Variants in SLC26A2 observed in about 807,000 individuals in gnomAD.
SLC26A2 encodes solute carrier family 26 member 2.
Under a neutral mutation model 41.1 loss-of-function variants are expected in SLC26A2, and 36 were observed. That is an observed-to-expected ratio of 0.88 (90% CI 0.67 to 1.16). The LOEUF (loss-of-function observed/expected upper bound fraction) is 1.16, where lower values mean the gene tolerates loss of function less well. Among genes scored for constraint, SLC26A2 ranks in the 50% most tolerant of loss-of-function variants. SLC26A2 has a pLI of 0.00. For synonymous variants in SLC26A2, 291 were observed against 311.6 expected, an observed-to-expected ratio of 0.93 and a Z score of 0.70; for missense variants, 796 against 869.6, an observed-to-expected ratio of 0.92 and a Z score of 1.07.
At chr5:149,967,194 G>C (rs984375439) in intron 1 of SLC26A2, among the ~76,000 whole-genome samples, 1 of 152,062 alleles carries the variant, frequency 6.6e-6, no homozygotes, top group Non-Finnish European at 1.5e-5. Flanking sequence ...TTATGTAACA[G>C]GTTATATTCA....
rs766328991 is a variant in SLC26A2 at position 149,977,996 on chromosome 5, G to T, written c.344G>T (p.Gly115Val). The change falls in exon 2 of 3, where the codon GGC (glycine) becomes GTC (valine). Residue 115 changes from glycine to valine, a missense_variant. Coordinates refer to ENST00000286298, the MANE Select transcript of SLC26A2 (RefSeq NM_000112.4). ...AACATTTTAGGGGATGTGATGTCAG[G>T]CTTGATTGTGGGCATATTATTGGTG... ...KKNILGDVMS[G>V]LIVGILLVPQ... is the part of the protein sequence containing the mutation. 1 of 1,614,148 alleles carries T rather than the reference G, an allele frequency of 6.2e-7. No individual in the cohort carries two copies. The highest frequency in any genetic ancestry group is 2.2e-5 in the East Asian group (1 of 44,884).
intron 1 of SLC26A2, among the ~76,000 whole-genome samples, chr5:149,965,552 GTTTATT>G (rs1754792552): frequency 6.7e-6 from 1 of 149,098 alleles, no homozygotes; most frequent in Non-Finnish European, 1.5e-5. Flanking sequence ...TTCTAGTCTA[GTTTATT>G]TTTATTAAAA....
At chr5:149,974,802 T>C (rs7722345) in intron 1 of SLC26A2, among the ~76,000 whole-genome samples, 5,320 of 142,444 alleles carry the variant, frequency 0.037, 341 homozygotes, top group African/African-American at 0.13. Context: ...CTCGGCTCAC[T>C]GCAACCTCCA....
rs1402473277 is a variant in SLC26A2, at chr5:149,987,392, C to G, written c.*5579C>G. Reference sequence around the variant, plus strand: ...TTTTGTCTGCTAATAAATTGTTACTCTAATAATACATTACTCTGTATTTAA... The same window carrying G: ...TTTTGTCTGCTAATAAATTGTTACTGTAATAATACATTACTCTGTATTTAA... On this transcript the variant is annotated 3_prime_UTR_variant, in exon 3 of 3. Transcript: ENST00000286298. 1 of 152,188 alleles carries G rather than the reference C, an allele frequency of 6.6e-6. No homozygotes were observed. Among genetic ancestry groups the G allele is most frequent in the African/African-American group, 2.4e-5 (1 of 41,442 alleles). 9.4% of individuals were successfully genotyped at this position (152,188 alleles called of 1,614,324 possible).
At chr5:149,971,667 C>T (rs973858645) in intron 1 of SLC26A2, among the ~76,000 whole-genome samples, 5 of 152,012 alleles carry the variant, frequency 3.3e-5, no homozygotes, top group African/African-American at 9.7e-5. Context: ...CCCAAAGTGC[C>T]GGGATTACAG....
chr5:149,983,698 T>C lies in SLC26A2; in HGVS notation c.*1885T>C, dbSNP rs1383057472. On this transcript the variant is annotated 3_prime_UTR_variant, in exon 3 of 3. Coordinates refer to ENST00000286298, the MANE Select transcript of SLC26A2 (RefSeq NM_000112.4). ...CTCAAGTTATCCTTCCATTTTGGCCTCCTGAGTAGCTAGACCATAGGTATG... is the reference window on the plus strand; with the variant it reads ...CTCAAGTTATCCTTCCATTTTGGCCCCCTGAGTAGCTAGACCATAGGTATG... 6.6e-6 allele frequency: 1 copy of C among 150,644 alleles called. No individual in the cohort carries two copies. The highest frequency in any genetic ancestry group is 1.5e-5 in the Non-Finnish European group (1 of 68,054). The allele number at this position is 150,644 out of a possible 1,614,324, so 9.3% of individuals were successfully genotyped here.
Position 149,982,782 on chromosome 5 carries a change from G to A in SLC26A2, c.*969G>A, listed in dbSNP as rs1003889616. The A allele has an allele frequency of 6.6e-6, 1 of 152,122 alleles. No individual in the cohort carries two copies. Among genetic ancestry groups the A allele is most frequent in the Non-Finnish European group, 1.5e-5 (1 of 68,036 alleles). The allele number at this position is 152,122 out of a possible 1,614,324, so 9.4% of individuals were successfully genotyped here. A position where few individuals can be genotyped will look rare whatever the true frequency, so the allele number is the denominator to read the frequency against. On this transcript the variant is annotated 3_prime_UTR_variant, in exon 3 of 3. Transcript: ENST00000286298. ...ACAATGACAGCTTTTAACTCTTCAA[G>A]TCACCTAAAGCTATTATGCAGGAGG...
intron 1 of SLC26A2, among the ~76,000 whole-genome samples, chr5:149,966,830 A>G (rs1754813141): frequency 6.6e-6 from 1 of 152,204 alleles, no homozygotes; most frequent in Non-Finnish European, 1.5e-5. Context: ...AAAACTAAAT[A>G]TAACTGTTTT....
rs1755089465 is a variant in SLC26A2, at chr5:149,981,035, G to C, written c.1442G>C (p.Ser481Thr). 3 of 1,614,150 alleles carry C rather than the reference G, an allele frequency of 1.9e-6. No individual in the cohort carries two copies. The highest frequency in any genetic ancestry group is 2.5e-6 in the Non-Finnish European group (3 of 1,180,024). Reference protein sequence around the residue: ...IAPLFYSLQKSVLGVITIVNL... With the variant: ...IAPLFYSLQKTVLGVITIVNL... ...CCTTTGTTCTATTCCCTTCAAAAAA[G>C]TGTCCTTGGTGTGATCACAATTGTA... The change falls in exon 3 of 3, where the codon AGT becomes ACT. Residue 481 changes from serine (S) to threonine (T), a missense_variant. Transcript: ENST00000286298.
At chr5:149,974,764 T>C (rs1336746310) in intron 1 of SLC26A2, among the ~76,000 whole-genome samples, 1 of 139,978 alleles carries the variant, frequency 7.1e-6, no homozygotes, top group Non-Finnish European at 1.5e-5. Flanking sequence ...TTCCTCTTGC[T>C]GTCCAGACAG....
chr5:149,963,626 G>A (rs915458380), intron 1 of SLC26A2, among the ~76,000 whole-genome samples: 7 of 151,966 alleles, frequency 4.6e-5, no homozygotes, highest in Admixed American at 3.3e-4. Context: ...TGTTGGCCAG[G>A]CTGGTCTCGA....
At chr5:149,967,609 G>T (rs1754826770) in intron 1 of SLC26A2, among the ~76,000 whole-genome samples, 1 of 152,070 alleles carries the variant, frequency 6.6e-6, no homozygotes, top group Non-Finnish European at 1.5e-5. Context: ...TGAAGTACGT[G>T]CACAATGGTG....
Position 149,981,500 on chromosome 5 carries a change from C to A in SLC26A2, c.1907C>A (p.Ser636Ter). The A allele has an allele frequency of 6.2e-7, 1 of 1,614,118 alleles. No individual in the cohort carries two copies. The highest frequency in any genetic ancestry group is 8.5e-7 in the Non-Finnish European group (1 of 1,179,998). Residue 636 changes from serine (S) to a stop codon, truncating the protein, a stop_gained, in exon 3 of 3, where the codon TCA becomes TAA. Transcript: ENST00000286298. LOFTEE classifies it high-confidence loss of function. ...CTTGGTGGAATCCAGGATGAAATGT[C>A]AGTGCAACTTTCCCATGATCCCTTG... Reference protein sequence around the residue: ...VTLGGIQDEMSVQLSHDPLEL... With the variant: ...VTLGGIQDEM
intron 1 of SLC26A2, among the ~76,000 whole-genome samples, chr5:149,963,953 A>G (rs986440858): frequency 4.6e-5 from 7 of 152,124 alleles, no homozygotes; most frequent in Non-Finnish European, 8.8e-5. Flanking sequence ...GGCAATGAGC[A>G]AAGGCCCCAA....
Position 149,975,178 on chromosome 5 carries a change from T to G in SLC26A2, c.-25-2450T>G, listed in dbSNP as rs145455729. On this transcript the variant is annotated intron_variant, in intron 1 of 2. Coordinates refer to ENST00000286298, the MANE Select transcript of SLC26A2 (RefSeq NM_000112.4). ...GTTTCGTTATTTAAACTTTTCTGCG[T>G]TTTAGTTTAGCTAATTTCTGTTTAT... Among the ~76,000 whole-genome samples, 438 of 152,330 alleles carry G rather than the reference T, an allele frequency of 2.9e-3. 1 individual carries two copies. The highest frequency in any genetic ancestry group is 5.6e-3 in the Admixed American group (86 of 15,296).
chr5:149,965,937 G>A (rs1754798722), intron 1 of SLC26A2, among the ~76,000 whole-genome samples: 1 of 152,096 alleles, frequency 6.6e-6, no homozygotes, highest in African/African-American at 2.4e-5. Flanking sequence ...ACAGAGTCTT[G>A]TCTGTCACCT....
chr5:149,981,520 C>T lies in SLC26A2; in HGVS notation c.1927C>T (p.Pro643Ser), dbSNP rs1028391572. The change falls in exon 3 of 3, where the codon CCC becomes TCC. Residue 643 changes from proline to serine, a missense_variant. Pro to Ser is a moderately conservative substitution (Grantham distance 74). Coordinates refer to ENST00000286298, the MANE Select transcript of SLC26A2 (RefSeq NM_000112.4). The stretch of plus-strand genomic sequence containing the variant: ...AATGTCAGTGCAACTTTCCCATGAT[C>T]CCTTGGAGCTGCATACTATAGTGAT... The part of the protein sequence containing the change: ...DEMSVQLSHD[P>S]LELHTIVIDC... The T allele has an allele frequency of 1.2e-6, 2 of 1,613,946 alleles. No homozygotes were observed. Among genetic ancestry groups the T allele is most frequent in the Non-Finnish European group, 8.5e-7 (1 of 1,179,998 alleles).
chr5:149,965,135 G>A (rs1184094853), intron 1 of SLC26A2, among the ~76,000 whole-genome samples: 1 of 152,092 alleles, frequency 6.6e-6, no homozygotes, highest in African/African-American at 2.4e-5. Flanking sequence ...GCAATCAAGC[G>A]ACAGTATACG....
At chr5:149,968,880 T>C (rs1331890711) in intron 1 of SLC26A2, among the ~76,000 whole-genome samples, 1 of 151,278 alleles carries the variant, frequency 6.6e-6, no homozygotes, top group African/African-American at 2.5e-5. Context: ...GTTACAGCTG[T>C]GCAGGTGTAC....
Sources: gnomAD v4.1 joint callset for allele counts (sites outside exome capture counted in the v4.1 genomes callset) on GRCh38, gnomAD v4.1.1 for gene constraint, MANE v1.5 for transcripts, NCBI Gene and HGNC (gene_info 2026-07-23, HGNC 2026-07-21) for gene names.